ARHGAP10: variants seen among roughly 807,000 people sequenced by gnomAD.
ARHGAP10 encodes Rho GTPase activating protein 10, also known as rho GTPase-activating protein 10.
In ARHGAP10, 87 loss-of-function variants were observed where a neutral mutation model predicts 108.6. The ratio of observed to expected loss-of-function variants is 0.80; its 90% confidence interval spans 0.67 to 0.96. The LOEUF (loss-of-function observed/expected upper bound fraction) is 0.96. Ranked by LOEUF, ARHGAP10 falls within the 40% of genes least tolerant of loss-of-function variation. ARHGAP10 has a pLI of 0.00. For synonymous variants in ARHGAP10, 347 were observed against 341.1 expected (o/e 1.02, Z -0.19); for missense variants, 939 against 954.5 (o/e 0.98, Z 0.21).
At chr4:148,045,738 C>CAAAA (rs11363800) in intron 19 of ARHGAP10, among the ~76,000 whole-genome samples, 27 of 57,514 alleles carry the variant, frequency 4.7e-4, no homozygotes, top group African/African-American at 1.4e-3. Context: ...AACTCCATCT[C>CAAAA]AAAAAAAAAA....
At chr4:147,998,539 G>C (rs1740566942) in intron 18 of ARHGAP10, among the ~76,000 whole-genome samples, 1 of 152,220 alleles carries the variant, frequency 6.6e-6, no homozygotes, top group Non-Finnish European at 1.5e-5. Flanking sequence ...TAAAGTTGTA[G>C]ATCAGTTTTA....
At chr4:147,855,078 A>G (rs1184783615) in intron 4 of ARHGAP10, among the ~76,000 whole-genome samples, 2 of 152,244 alleles carry the variant, frequency 1.3e-5, no homozygotes, top group Non-Finnish European at 2.9e-5. Context: ...GTTCCTGGTA[A>G]GTACTAGTCT....
intron 1 of ARHGAP10, among the ~76,000 whole-genome samples, chr4:147,785,136 G>C (rs1730835748): frequency 6.9e-6 from 1 of 145,352 alleles, no homozygotes; most frequent in African/African-American, 2.5e-5. Flanking sequence ...GAACAGCTCT[G>C]AATATTGACT....
intron 1 of ARHGAP10, among the ~76,000 whole-genome samples, chr4:147,803,662 A>G (rs1445945649): frequency 1.3e-5 from 2 of 152,234 alleles, no homozygotes; most frequent in South Asian, 2.1e-4. Context: ...TGGCCCACAC[A>G]TTTGAGTGAG....
At chr4:147,861,229 C>CCAGGCA (rs1734307770) in intron 5 of ARHGAP10, 1 of 152,444 alleles carries the variant, frequency 6.6e-6, no homozygotes, top group Admixed American at 6.5e-5. Context: ...GCAGGCAGCT[C>CCAGGCA]CAGGCACAGG....
intron 3 of ARHGAP10, among the ~76,000 whole-genome samples, chr4:147,826,168 G>C (rs1201859036): frequency 1.3e-5 from 2 of 152,188 alleles, no homozygotes; most frequent in African/African-American, 2.4e-5. Context: ...CAGAAATAGC[G>C]TGTGACCATT....
intron 10 of ARHGAP10, among the ~76,000 whole-genome samples, chr4:147,902,946 T>C (rs1026863852): frequency 8.6e-5 from 13 of 152,034 alleles, no homozygotes; most frequent in African/African-American, 2.4e-4. Context: ...GGGCAGGCTA[T>C]ATACTTTCCA....
chr4:148,061,880 A>C (rs1395495069), intron 20 of ARHGAP10, among the ~76,000 whole-genome samples: 1 of 152,190 alleles, frequency 6.6e-6, no homozygotes, highest in Non-Finnish European at 1.5e-5. Context: ...AACCAGTATC[A>C]ATGTGCCCTT....
At chr4:148,013,014 T>C (rs1741224542) in intron 18 of ARHGAP10, among the ~76,000 whole-genome samples, 1 of 151,984 alleles carries the variant, frequency 6.6e-6, no homozygotes, top group Non-Finnish European at 1.5e-5. Flanking sequence ...ATCACCTTTG[T>C]AACATGAATA....
At chr4:147,798,721 GACACTCTCTCTCTCTCTCTCTCTCTC>G (rs1731417183) in intron 1 of ARHGAP10, among the ~76,000 whole-genome samples, 2 of 116,158 alleles carry the variant, frequency 1.7e-5, no homozygotes, top group African/African-American at 9.7e-5. Flanking sequence ...AGGAGTTTGA[GACACTCTCTCTCTCTCTCTCTCTCTC>G]TCTCTCTCTC....
At chr4:147,831,767 G>T (rs1480419976) in intron 3 of ARHGAP10, among the ~76,000 whole-genome samples, 2 of 152,196 alleles carry the variant, frequency 1.3e-5, no homozygotes, top group Admixed American at 1.3e-4. Context: ...CCGTTTGAGA[G>T]TTTAATTTAC....
At chr4:147,849,540 G>A (rs544357030) in intron 4 of ARHGAP10, among the ~76,000 whole-genome samples, 19 of 152,258 alleles carry the variant, frequency 1.2e-4, no homozygotes, top group African/African-American at 4.3e-4. Flanking sequence ...TTAAGAAAAA[G>A]GTCTCTAAAA....
chr4:148,009,263 C>G (rs1369439072), intron 18 of ARHGAP10, among the ~76,000 whole-genome samples: 1 of 151,944 alleles, frequency 6.6e-6, no homozygotes, highest in Non-Finnish European at 1.5e-5. Context: ...TCCCATGTAG[C>G]TGGGATTACA....
chr4:147,824,384 C>T (rs528187742), intron 3 of ARHGAP10, among the ~76,000 whole-genome samples: 8 of 151,704 alleles, frequency 5.3e-5, no homozygotes, highest in African/African-American at 1.9e-4. Context: ...TCTAGAATTA[C>T]GTTATAGTGT....
intron 19 of ARHGAP10, among the ~76,000 whole-genome samples, chr4:148,037,953 C>T (rs1330817612): frequency 6.6e-6 from 1 of 151,982 alleles, no homozygotes; most frequent in Admixed American, 6.6e-5. Flanking sequence ...AGCTCCTAGA[C>T]AGATTTAACT....
intron 16 of ARHGAP10, among the ~76,000 whole-genome samples, chr4:147,960,840 T>G (rs1007262394): frequency 6.6e-6 from 1 of 152,256 alleles, no homozygotes; most frequent in African/African-American, 2.4e-5. Flanking sequence ...TATATTCTTC[T>G]GTATCTGGTT....
chr4:147,961,085 C>T (rs960207807), intron 16 of ARHGAP10, among the ~76,000 whole-genome samples: 4 of 152,060 alleles, frequency 2.6e-5, no homozygotes, highest in Non-Finnish European at 4.4e-5. Context: ...ATTTTTGGGT[C>T]GGTCATAGGG....
intron 13 of ARHGAP10, among the ~76,000 whole-genome samples, chr4:147,915,925 A>C (rs1736961934): frequency 6.6e-6 from 1 of 152,168 alleles, no homozygotes; most frequent in Non-Finnish European, 1.5e-5. Context: ...GCAACATAGC[A>C]TGACCCTGTC....
At chr4:147,930,975 T>G (rs1307262351) in intron 13 of ARHGAP10, among the ~76,000 whole-genome samples, 1 of 152,232 alleles carries the variant, frequency 6.6e-6, no homozygotes, top group Admixed American at 6.5e-5. Context: ...GCTCAGTAGT[T>G]CCATGCAGGT....
Sources: allele counts gnomAD v4.1 joint callset (sites outside exome capture counted in the v4.1 genomes callset), GRCh38; gene constraint gnomAD v4.1.1; transcripts MANE v1.5; gene names NCBI Gene and HGNC (gene_info 2026-07-23, HGNC 2026-07-21).